The following SLC35F3 variants were observed in gnomAD, a reference collection of about 807,000 sequenced individuals.
SLC35F3 encodes solute carrier family 35 member F3, also known as putative thiamine transporter SLC35F3.
A neutral mutation model predicts 49.9 loss-of-function variants in SLC35F3; 25 were observed. The observed-to-expected ratio is 0.50, with a 90% confidence interval of 0.37 to 0.70. The LOEUF (loss-of-function observed/expected upper bound fraction) is 0.70. Among genes scored for constraint, SLC35F3 ranks in the 30% least tolerant of loss-of-function variants. The pLI is 0.00. For missense variants in SLC35F3, 525 were observed against 639.8 expected (o/e 0.82, Z 1.94); for synonymous variants, 275 against 265.4 (o/e 1.04, Z -0.35).
chr1:234,080,491 GATGA>G, intron 2 of SLC35F3, among the ~76,000 whole-genome samples: 1 of 152,196 alleles, frequency 6.6e-6, no homozygotes, highest in Middle Eastern at 3.4e-3. Flanking sequence ...CAGCCCAACT[GATGA>G]ATGAATAAAC....
chr1:234,246,471 A>G (rs1425326240), intron 3 of SLC35F3, among the ~76,000 whole-genome samples: 1 of 152,218 alleles, frequency 6.6e-6, no homozygotes, highest in East Asian at 1.9e-4. Flanking sequence ...GACTAATAAA[A>G]GTGATAATAA....
In SLC35F3 at chr1:234,320,241, T is replaced by G; in HGVS notation, c.1237+54T>G. 7.8e-7 allele frequency: 1 copy of G among 1,276,116 alleles called. No individual in the cohort carries two copies. Among genetic ancestry groups the G allele is most frequent in the South Asian group, 1.2e-5 (1 of 84,080 alleles). 79.0% of individuals were successfully genotyped at this position (1,276,116 alleles called of 1,614,324 possible). A position where few individuals can be genotyped will look rare whatever the true frequency, so the allele number is the denominator to read the frequency against. On this transcript the variant is annotated intron_variant, in intron 7 of 7. Coordinates refer to ENST00000366618, the MANE Select transcript of SLC35F3 (RefSeq NM_173508.4). The surrounding 1 kb of genome is among the most constrained non-coding windows in gnomAD (Gnocchi z 4.8). ...ACATAAGCACACACACTCAGTCACCTACTCACACACACATACACACACTCA... is the reference window on the plus strand; with the variant it reads ...ACATAAGCACACACACTCAGTCACCGACTCACACACACATACACACACTCA...
intron 3 of SLC35F3, among the ~76,000 whole-genome samples, chr1:234,265,057 T>C (rs1407653397): frequency 6.6e-6 from 1 of 152,192 alleles, no homozygotes; most frequent in East Asian, 1.9e-4. Flanking sequence ...GCTTGCTCGC[T>C]AGGTGAGCCC....
At chr1:234,017,783 A>G (rs1663827084) in intron 2 of SLC35F3, among the ~76,000 whole-genome samples, 1 of 151,034 alleles carries the variant, frequency 6.6e-6, no homozygotes, top group Admixed American at 6.6e-5. Context: ...TTTTGCCATT[A>G]CTTTCAATGG....
intron 2 of SLC35F3, among the ~76,000 whole-genome samples, chr1:234,202,829 G>A (rs1474477220): frequency 2.6e-5 from 4 of 152,358 alleles, no homozygotes; most frequent in Non-Finnish European, 4.4e-5. Flanking sequence ...AAGAGATTGG[G>A]GAGAGGACTA....
intron 2 of SLC35F3, among the ~76,000 whole-genome samples, chr1:233,906,012 C>T (rs1661770811): frequency 6.6e-6 from 1 of 152,230 alleles, no homozygotes; most frequent in Non-Finnish European, 1.5e-5. Flanking sequence ...CTTATCTCTC[C>T]ACTGCCAAAT....
rs1657578998 is a variant in SLC35F3 at position 234,320,006 on chromosome 1, T to C, written c.1148-92T>C. The C allele has an allele frequency of 1.2e-6, 1 of 832,792 alleles. No individual in the cohort carries two copies. Among genetic ancestry groups the C allele is most frequent in the African/African-American group, 1.7e-5 (1 of 59,998 alleles). The allele number at this position is 832,792 out of a possible 1,614,324, so 51.6% of individuals were successfully genotyped here. On this transcript the variant is annotated intron_variant, in intron 6 of 7. Coordinates refer to ENST00000366618, the MANE Select transcript of SLC35F3 (RefSeq NM_173508.4). This position sits in a 1 kb window ranked among gnomAD's most constrained non-coding sequence, Gnocchi z 4.8. ...CATTGTAACTCCTATGACTCCAGCC[T>C]CATCAGGAAAACCTGGGTCAGATAG...
At chr1:234,152,998 A>G (rs543148059) in intron 2 of SLC35F3, among the ~76,000 whole-genome samples, 7 of 152,216 alleles carry the variant, frequency 4.6e-5, no homozygotes, top group Admixed American at 1.3e-4. Flanking sequence ...ACTTTTTTTC[A>G]TATGTATGTT....
At chr1:234,247,040 C>A (rs1387923542) in intron 3 of SLC35F3, among the ~76,000 whole-genome samples, 1 of 152,186 alleles carries the variant, frequency 6.6e-6, no homozygotes, top group African/African-American at 2.4e-5. Context: ...GTTACCAGTT[C>A]ATGGGGCTGG....
At chr1:234,036,110 T>C (rs1323928801) in intron 2 of SLC35F3, among the ~76,000 whole-genome samples, 2 of 152,306 alleles carry the variant, frequency 1.3e-5, no homozygotes, top group South Asian at 4.1e-4. Context: ...GGGATCTCAC[T>C]CTGTCACCCA....
chr1:233,908,998 A>G (rs1372097934), intron 2 of SLC35F3, among the ~76,000 whole-genome samples: 1 of 150,296 alleles, frequency 6.7e-6, no homozygotes, highest in Non-Finnish European at 1.5e-5. Flanking sequence ...AGCTGGGACT[A>G]CAGGCACCCA....
chr1:233,916,794 G>A (rs1219382872), intron 2 of SLC35F3, among the ~76,000 whole-genome samples: 1 of 152,136 alleles, frequency 6.6e-6, no homozygotes, highest in East Asian at 1.9e-4. Flanking sequence ...ACCACCATGT[G>A]GTCCCTCTTT....
At chr1:234,050,316 C>T (rs1410892845) in intron 2 of SLC35F3, among the ~76,000 whole-genome samples, 3 of 152,226 alleles carry the variant, frequency 2.0e-5, no homozygotes, top group South Asian at 2.1e-4. Flanking sequence ...CCTGACTTTT[C>T]AATGATCGCC....
At chr1:233,974,214 C>T (rs1226895729) in intron 2 of SLC35F3, among the ~76,000 whole-genome samples, 13 of 81,294 alleles carry the variant, frequency 1.6e-4, no homozygotes, top group Non-Finnish European at 2.4e-4. Context: ...GATGGAGTTT[C>T]ACTCTTGTTG....
At chr1:234,277,689 A>T (rs1668233763) in intron 3 of SLC35F3, among the ~76,000 whole-genome samples, 1 of 152,194 alleles carries the variant, frequency 6.6e-6, no homozygotes, top group Non-Finnish European at 1.5e-5. Flanking sequence ...TTCAGTACAG[A>T]TTCCTATTGT....
chr1:234,002,244 G>A (rs1484131990), intron 2 of SLC35F3, among the ~76,000 whole-genome samples: 1 of 152,140 alleles, frequency 6.6e-6, no homozygotes, highest in Non-Finnish European at 1.5e-5. Flanking sequence ...CATAATTGAG[G>A]AACCAGTATA....
At chr1:234,035,015 C>T (rs2884407) in intron 2 of SLC35F3, among the ~76,000 whole-genome samples, 16,056 of 152,208 alleles carry the variant, frequency 0.11, 1,311 homozygotes, top group East Asian at 0.25. Context: ...AATTTGTCTT[C>T]GTAGGTAAAT....
At chr1:234,024,584 A>G (rs1669289208) in intron 2 of SLC35F3, among the ~76,000 whole-genome samples, 1 of 152,192 alleles carries the variant, frequency 6.6e-6, no homozygotes, top group African/African-American at 2.4e-5. Flanking sequence ...CTGAGTCACC[A>G]GGTCCCCACG....
intron 3 of SLC35F3, among the ~76,000 whole-genome samples, chr1:234,239,656 C>T (rs1030324427): frequency 2.6e-5 from 4 of 152,232 alleles, no homozygotes; most frequent in South Asian, 2.1e-4. Context: ...AGTGGGTCAG[C>T]GCTATCTGTC....
Sources: gnomAD v4.1 joint callset for allele counts (sites outside exome capture counted in the v4.1 genomes callset) on GRCh38, gnomAD v4.1.1 for gene constraint, Gnocchi (gnomAD v3.1) non-coding constraint, MANE v1.5 for transcripts, NCBI Gene and HGNC (gene_info 2026-07-23, HGNC 2026-07-21) for gene names.